BMF: variants seen among roughly 807,000 people sequenced by gnomAD.
BMF encodes the protein bcl-2-modifying factor.
In BMF, 10 loss-of-function variants were observed where a neutral mutation model predicts 22.0. That is an observed-to-expected ratio of 0.45 (90% CI 0.28 to 0.77). BMF has a LOEUF of 0.77. BMF is among the 30% of genes least tolerant of loss of function. The pLI is 0.13. For missense variants in BMF, 206 were observed against 226.8 expected (o/e 0.91, Z 0.59); for synonymous variants, 87 against 88.1 (o/e 0.99, Z 0.07).
chr15:40,103,762 C>T (rs909012425), intron 4 of BMF, among the ~76,000 whole-genome samples: 1 of 152,230 alleles, frequency 6.6e-6, no homozygotes. Flanking sequence ...CCTGGTTACC[C>T]GTTTCCCACT....
Position 40,106,012 on chromosome 15 carries a change from T to G in BMF, c.75A>C (p.Gln25His), listed in dbSNP as rs748606755. The G allele has an allele frequency of 6.2e-7, 1 of 1,613,682 alleles. No individual in the cohort carries two copies. The highest frequency in any genetic ancestry group is 1.1e-5 in the South Asian group (1 of 91,072). Residue 25 changes from glutamine to histidine, a missense_variant, in exon 3 of 5, where the codon CAA becomes CAC. Transcript: ENST00000354670. This position sits in a 1 kb window ranked among gnomAD's most constrained non-coding sequence, Gnocchi z 4.1. Reference protein sequence around the residue: ...FQPEDGEPVTQPGSLLSADLF... With the variant: ...FQPEDGEPVTHPGSLLSADLF... ...GGTCAGCAGAGAGCAAGCTCCCGGG[T>G]TGGGTCACCGGCTCCCCATCCTCTG... is the stretch of plus-strand genomic sequence containing the variant.
At chr15:40,096,082 G>A (rs2036353266) in intron 4 of BMF, among the ~76,000 whole-genome samples, 1 of 151,804 alleles carries the variant, frequency 6.6e-6, no homozygotes, top group Non-Finnish European at 1.5e-5. Flanking sequence ...GTCTGGCCAG[G>A]TCTAAAGATG....
chr15:40,095,954 T>C (rs2036351015), intron 4 of BMF, among the ~76,000 whole-genome samples: 1 of 152,148 alleles, frequency 6.6e-6, no homozygotes, highest in Non-Finnish European at 1.5e-5. Context: ...CTGCTCATCC[T>C]GTGTAATGGG....
At chr15:40,094,484 G>C (rs1363491821) in intron 4 of BMF, among the ~76,000 whole-genome samples, 2 of 152,170 alleles carry the variant, frequency 1.3e-5, no homozygotes. Context: ...TGGATCCCCA[G>C]GGACCAGGAA....
rs1364115311 is a variant in BMF, at chr15:40,107,363, C to T, written c.-6+896G>A. 2.6e-5 allele frequency among the ~76,000 whole-genome samples: 4 copies of T among 152,208 alleles called. No homozygotes were observed. The East Asian group carries it at 7.7e-4, about 29-fold the overall frequency. On this transcript the variant is annotated intron_variant, in intron 2 of 4. Transcript: ENST00000354670. ...ATCTCAGTTCAATTCAGAATGCTGC[C>T]TTTGCCAAACACAAGCTGTGAGCTG...
chr15:40,098,254 G>A (rs2036405744), intron 4 of BMF, among the ~76,000 whole-genome samples: 1 of 152,226 alleles, frequency 6.6e-6, no homozygotes, highest in Non-Finnish European at 1.5e-5. Context: ...GCCACTGGGG[G>A]TTGAGGGGTA....
chr15:40,098,880 GGGAACT>G (rs1473186056), intron 4 of BMF, among the ~76,000 whole-genome samples: 1 of 152,136 alleles, frequency 6.6e-6, no homozygotes, highest in Non-Finnish European at 1.5e-5. Flanking sequence ...AGAGTGTGTG[GGGAACT>G]CAGCCTCTAG....
chr15:40,099,517 A>G (rs1232108204), intron 4 of BMF, among the ~76,000 whole-genome samples: 3 of 152,108 alleles, frequency 2.0e-5, no homozygotes, highest in Non-Finnish European at 4.4e-5. Flanking sequence ...AGTGGCTCAC[A>G]CCTGTAATCC....
At chr15:40,104,440 C>T in intron 3 of BMF, 100 bp from the exon 4 acceptor site, 2 of 1,474,892 alleles carry the variant, frequency 1.4e-6, no homozygotes, top group South Asian at 1.3e-5. Context: ...AGGGTAAATC[C>T]TCATATGAGA....
At chr15:40,099,842 C>CTTATAAGTGGCAGAGCTGGGAT (rs1380758532) in intron 4 of BMF, among the ~76,000 whole-genome samples, 11 of 143,266 alleles carry the variant, frequency 7.7e-5, no homozygotes, top group Non-Finnish European at 1.4e-4. Flanking sequence ...GAACACATAA[C>CTTATAAGTGGCAGAGCTGGGAT]TTATAAGTGG....
At chr15:40,099,780 CAAAAAAAAAA>C (rs747996690) in intron 4 of BMF, among the ~76,000 whole-genome samples, 1 of 64,430 alleles carries the variant, frequency 1.6e-5, no homozygotes, top group African/African-American at 6.9e-5. Context: ...GCTGTCTCAC[CAAAAAAAAAA>C]AAAAAAAAAA....
rs1448683847 is a variant in BMF, at chr15:40,090,003, AAC to A, written c.*1782_*1783del. On this transcript the variant is annotated 3_prime_UTR_variant, in exon 5 of 5. Transcript: ENST00000354670. ...TATCCAGAATATCTGAGCAGAACAA[AAC>A]AAAGGCTTACATGCACAGTTTGAGG... The A allele has an allele frequency of 6.6e-6, 1 of 152,668 alleles. No individual in the cohort carries two copies. The highest frequency in any genetic ancestry group is 1.5e-5 in the Non-Finnish European group (1 of 68,054). 9.5% of individuals were successfully genotyped at this position (152,668 alleles called of 1,614,324 possible). A position where few individuals can be genotyped will look rare whatever the true frequency, so the allele number is the denominator to read the frequency against.
At chr15:40,097,270 C>T (rs1290617106) in intron 4 of BMF, among the ~76,000 whole-genome samples, 1 of 151,618 alleles carries the variant, frequency 6.6e-6, no homozygotes, top group African/African-American at 2.4e-5. Context: ...CTACCAAGCA[C>T]CCAACTGAGC....
intron 1 of BMF, 184 bp from the exon 2 acceptor site, chr15:40,108,570 G>C (rs1308776586): frequency 6.6e-6 from 1 of 152,644 alleles, no homozygotes; most frequent in Non-Finnish European, 1.5e-5. Flanking sequence ...CTACCCCCAA[G>C]TTCCCTCTTG....
rs1452470850 is a variant in BMF at position 40,091,596 on chromosome 15, C to T, written c.*191G>A. On this transcript the variant is annotated 3_prime_UTR_variant, in exon 5 of 5. Transcript: ENST00000354670. ...TTTGACAAAGGCCCCCATTCCAGGT[C>T]AAGGGCCTGACAGAGAAAGAAGGTC... 54 of 548,152 alleles carry T rather than the reference C, an allele frequency of 9.9e-5. No homozygotes were observed. The East Asian group carries it at 1.6e-3, about 16-fold the overall frequency. 34.0% of individuals were successfully genotyped at this position (548,152 alleles called of 1,614,324 possible). A position where few individuals can be genotyped will look rare whatever the true frequency, so the allele number is the denominator to read the frequency against.
intron 3 of BMF, among the ~76,000 whole-genome samples, chr15:40,105,459 A>C (rs553272433): frequency 3.2e-4 from 49 of 152,228 alleles, no homozygotes; most frequent in African/African-American, 1.2e-3. Flanking sequence ...CCAGTCACAG[A>C]TCCCCCAGAC....
chr15:40,097,186 ACCAAGCACCCAAC>A (rs1443459389), intron 4 of BMF, among the ~76,000 whole-genome samples: 1 of 1,840 alleles, frequency 5.4e-4, no homozygotes, highest in Non-Finnish European at 1.2e-3. Flanking sequence ...CAACTGAGCT[ACCAAGCACCCAAC>A]TGAGCTACCA....
At position 40,104,399 on chromosome 15, in the gene BMF, G is replaced by A. The variant is rs1595485191; in HGVS notation, c.293-59C>T. 6.9e-6 allele frequency: 11 copies of A among 1,590,838 alleles called. No individual in the cohort carries two copies. In the East Asian group the frequency reaches 9.0e-5, roughly 13 times the overall value. On this transcript the variant is annotated intron_variant, in intron 3 of 4. Transcript: ENST00000354670. The stretch of plus-strand genomic sequence containing the variant: ...TCCACAACTGCTCCAACCTCCCTAC[G>A]CCTGCCTGACCTGGCCAAGATTGGA...
rs1011813823 is a variant in BMF at position 40,106,201 on chromosome 15, C to G, written c.-5-110G>C. The G allele has an allele frequency of 3.2e-6, 4 of 1,250,292 alleles. No homozygotes were observed. In the East Asian group the frequency reaches 1.0e-4, roughly 32 times the overall value. 77.4% of individuals were successfully genotyped at this position (1,250,292 alleles called of 1,614,324 possible). A position where few individuals can be genotyped will look rare whatever the true frequency, so the allele number is the denominator to read the frequency against. On this transcript the variant is annotated intron_variant, in intron 2 of 4. Transcript: ENST00000354670. This position sits in a 1 kb window ranked among gnomAD's most constrained non-coding sequence, Gnocchi z 4.1. ...ACTCCCCCTTCTTATTTGAGCTGGC[C>G]GGACCACATACTGATGACATACAAC...
Sources: allele counts gnomAD v4.1 joint callset (sites outside exome capture counted in the v4.1 genomes callset), GRCh38; gene constraint gnomAD v4.1.1; non-coding constraint Gnocchi (gnomAD v3.1); transcripts MANE v1.5; gene names NCBI Gene and HGNC (gene_info 2026-07-23, HGNC 2026-07-21).